GPM6A: variants seen among roughly 807,000 people sequenced by gnomAD.
GPM6A encodes the protein neuronal membrane glycoprotein M6-a.
GPM6A carries 7 observed loss-of-function variants against 32.1 expected under a neutral mutation model. The observed-to-expected ratio is 0.22, with a 90% confidence interval of 0.12 to 0.41. The LOEUF (loss-of-function observed/expected upper bound fraction) is 0.41, where lower values mean the gene tolerates loss of function less well. Among genes scored for constraint, GPM6A ranks in the 10% least tolerant of loss-of-function variants. GPM6A has a pLI of 1.00. For missense variants in GPM6A, 235 were observed against 347.2 expected, an observed-to-expected ratio of 0.68 and a Z score of 2.57; for synonymous variants, 130 against 123.4, an observed-to-expected ratio of 1.05 and a Z score of -0.35.
intron 1 of GPM6A, among the ~76,000 whole-genome samples, chr4:175,846,112 T>A (rs549813463): frequency 4.9e-4 from 75 of 152,234 alleles, no homozygotes; most frequent in African/African-American, 1.6e-3. Flanking sequence ...ACATCGTGTC[T>A]CTACTCTCAA....
At chr4:175,817,962 C>T (rs1735159709) in intron 1 of GPM6A, among the ~76,000 whole-genome samples, 1 of 152,110 alleles carries the variant, frequency 6.6e-6, no homozygotes, top group Non-Finnish European at 1.5e-5. Context: ...AATGGCAAAC[C>T]CGTTAATATT....
At chr4:175,976,773 G>A (rs1246804531) in intron 1 of GPM6A, among the ~76,000 whole-genome samples, 2 of 152,060 alleles carry the variant, frequency 1.3e-5, no homozygotes, top group African/African-American at 2.4e-5. Context: ...TCATTGTAAC[G>A]GTACAAGTGA....
chr4:175,949,947 A>G (rs925222097), intron 1 of GPM6A, among the ~76,000 whole-genome samples: 5 of 152,212 alleles, frequency 3.3e-5, no homozygotes, highest in Middle Eastern at 6.3e-3. Flanking sequence ...AAATTTTACA[A>G]GTTCATGAGT....
chr4:175,718,176 T>A (rs1745936821), intron 1 of GPM6A, among the ~76,000 whole-genome samples: 1 of 152,200 alleles, frequency 6.6e-6, no homozygotes, highest in Non-Finnish European at 1.5e-5. Context: ...TATAATGAAA[T>A]GAATTGATCT....
At position 175,644,455 on chromosome 4, in the gene GPM6A, C is replaced by T. The variant is rs371231360; in HGVS notation, c.542-3626G>A. 1.2e-3 allele frequency among the ~76,000 whole-genome samples: 184 copies of T among 151,584 alleles called. 1 individual carries two copies. The highest frequency in any genetic ancestry group is 3.4e-3 in the Middle Eastern group (1 of 294). On this transcript the variant is annotated intron_variant, in intron 4 of 6. Transcript: ENST00000393658. ...GTATATGTGTATATATACACACACA[C>T]GCACACATAAAATAAAGTTTTTGTG...
chr4:175,913,972 A>G (rs1359066830), intron 1 of GPM6A, among the ~76,000 whole-genome samples: 1 of 152,192 alleles, frequency 6.6e-6, no homozygotes, highest in African/African-American at 2.4e-5. Context: ...GAAGTGTCTG[A>G]GACAGGTCTC....
intron 2 of GPM6A, among the ~76,000 whole-genome samples, chr4:175,684,703 G>T (rs1330899636): frequency 1.3e-5 from 2 of 152,022 alleles, no homozygotes; most frequent in African/African-American, 4.8e-5. Flanking sequence ...AGATTTATCT[G>T]TTCGGTCCTT....
intron 1 of GPM6A, among the ~76,000 whole-genome samples, chr4:175,889,650 A>G (rs1483750437): frequency 3.3e-5 from 5 of 152,134 alleles, no homozygotes; most frequent in Non-Finnish European, 5.9e-5. Context: ...CGTCTCTACT[A>G]AAAATACAAA....
intron 1 of GPM6A, among the ~76,000 whole-genome samples, chr4:175,960,257 TA>T (rs1403492011): frequency 5.3e-5 from 8 of 152,228 alleles, no homozygotes; most frequent in African/African-American, 1.9e-4. Context: ...TATAAGCAAA[TA>T]AAAAAATTAA....
At chr4:175,644,198 A>G (rs914471865) in intron 4 of GPM6A, among the ~76,000 whole-genome samples, 1 of 135,142 alleles carries the variant, frequency 7.4e-6, no homozygotes, top group Non-Finnish European at 1.5e-5. Context: ...ATCTCGGCTC[A>G]CTGCAAGCTC....
chr4:175,744,604 A>G (rs1009839282), intron 1 of GPM6A, among the ~76,000 whole-genome samples: 1 of 152,136 alleles, frequency 6.6e-6, no homozygotes, highest in Admixed American at 6.6e-5. Flanking sequence ...CCCAATATCA[A>G]TTAACTTTCT....
intron 1 of GPM6A, among the ~76,000 whole-genome samples, chr4:175,751,313 A>T (rs1420942040): frequency 2.0e-5 from 3 of 152,190 alleles, no homozygotes; most frequent in African/African-American, 7.2e-5. Flanking sequence ...ATGAAATGAA[A>T]ATCATGGAAA....
chr4:175,766,708 G>A (rs2643995), intron 1 of GPM6A, among the ~76,000 whole-genome samples: 2,433 of 145,606 alleles, frequency 0.017, 66 homozygotes, highest in African/African-American at 0.053. Flanking sequence ...AGGCTGGAGT[G>A]CAGTGGCGTG....
At chr4:175,866,656 C>T (rs896026177) in intron 1 of GPM6A, among the ~76,000 whole-genome samples, 8 of 152,078 alleles carry the variant, frequency 5.3e-5, no homozygotes, top group African/African-American at 1.7e-4. Flanking sequence ...GTTTGTTAAT[C>T]CATTCACCTA....
At chr4:175,896,566 A>C (rs1737799615) in intron 1 of GPM6A, among the ~76,000 whole-genome samples, 1 of 152,028 alleles carries the variant, frequency 6.6e-6, no homozygotes, top group African/African-American at 2.4e-5. Context: ...TATTTCTTTA[A>C]AGAGTTTAAG....
At chr4:175,776,877 T>G (rs1424018491) in intron 1 of GPM6A, among the ~76,000 whole-genome samples, 1 of 152,090 alleles carries the variant, frequency 6.6e-6, no homozygotes, top group Non-Finnish European at 1.5e-5. Flanking sequence ...AATAGTGAGG[T>G]AAGTCTCCAA....
At chr4:176,001,424 A>T (rs1411648458) in intron 1 of GPM6A, among the ~76,000 whole-genome samples, 1 of 152,116 alleles carries the variant, frequency 6.6e-6, no homozygotes, top group African/African-American at 2.4e-5. Context: ...TCTCCTCCCC[A>T]GCTTCTCCCT....
chr4:175,674,177 G>GTTAT, intron 2 of GPM6A, among the ~76,000 whole-genome samples: 1 of 152,094 alleles, frequency 6.6e-6, no homozygotes, highest in Non-Finnish European at 1.5e-5. Context: ...TTTTTATTTA[G>GTTAT]TTATTTATTT....
chr4:175,728,217 A>G (rs924500104), intron 1 of GPM6A, among the ~76,000 whole-genome samples: 1 of 152,096 alleles, frequency 6.6e-6, no homozygotes, highest in African/African-American at 2.4e-5. Flanking sequence ...ACACATGCAA[A>G]TGGTTTGTAG....
Sources: gnomAD v4.1 joint callset for allele counts (sites outside exome capture counted in the v4.1 genomes callset) on GRCh38, gnomAD v4.1.1 for gene constraint, MANE v1.5 for transcripts, NCBI Gene and HGNC (gene_info 2026-07-23, HGNC 2026-07-21) for gene names.